The following PALM2AKAP2 variants were observed in gnomAD, a reference collection of about 807,000 sequenced individuals.
The protein encoded by PALM2AKAP2 is PALM2-AKAP2 fusion protein.
A neutral mutation model predicts 71.5 loss-of-function variants in PALM2AKAP2; 37 were observed. The ratio of observed to expected loss-of-function variants is 0.52; its 90% confidence interval spans 0.40 to 0.68. The LOEUF is 0.68. Among genes scored for constraint, PALM2AKAP2 ranks in the 30% least tolerant of loss-of-function variants. The pLI is 0.00. For synonymous variants in PALM2AKAP2, 468 were observed against 478.8 expected, an observed-to-expected ratio of 0.98 and a Z score of 0.29; for missense variants, 1,224 against 1,191.8, an observed-to-expected ratio of 1.03 and a Z score of -0.40.
Position 109,824,939 on chromosome 9 carries a change from A to G in PALM2AKAP2, c.46-42552A>G, listed in dbSNP as rs188402370. On this transcript the variant is annotated intron_variant, in intron 1 of 9. Coordinates refer to the PALM2AKAP2 transcript ENST00000302798. ...TTTTGATATTCCTCTAAGAGTTACC[A>G]GCCTGTGGAGGAGTTGTGCTCCAAG... 2.0e-5 allele frequency among the ~76,000 whole-genome samples: 3 copies of G among 152,364 alleles called. No individual in the cohort carries two copies. The East Asian group carries it at 5.8e-4, about 29-fold the overall frequency.
chr9:109,673,501 G>A (rs1827605558), intron 1 of PALM2AKAP2, among the ~76,000 whole-genome samples: 1 of 152,094 alleles, frequency 6.6e-6, no homozygotes, highest in Middle Eastern at 3.2e-3. Flanking sequence ...CATTTGCTGA[G>A]GAGTGTTTTA....
intron 3 of PALM2AKAP2, among the ~76,000 whole-genome samples, chr9:109,892,346 T>C (rs766320500): frequency 3.3e-5 from 5 of 152,188 alleles, no homozygotes; most frequent in Non-Finnish European, 5.9e-5. Context: ...ACCCCTATCA[T>C]TGGATTTAGG....
intron 1 of PALM2AKAP2, among the ~76,000 whole-genome samples, chr9:110,091,752 G>A (rs768704931): frequency 1.4e-4 from 21 of 152,174 alleles, no homozygotes; most frequent in South Asian, 6.2e-4. Context: ...GTGAGCCACC[G>A]CGCCCAGCCA....
intron 1 of PALM2AKAP2, among the ~76,000 whole-genome samples, chr9:109,717,351 G>A (rs947461004): frequency 6.6e-6 from 1 of 152,174 alleles, no homozygotes; most frequent in African/African-American, 2.4e-5. Context: ...CAGAGTTTAG[G>A]AGGTGGGAGG....
chr9:109,951,100 T>G (rs1280759421), intron 6 of PALM2AKAP2, among the ~76,000 whole-genome samples: 1 of 152,164 alleles, frequency 6.6e-6, no homozygotes, highest in Admixed American at 6.5e-5. Context: ...CTTAGGAGAG[T>G]CAAAATCATA....
At chr9:109,729,952 T>C (rs1828529803) in intron 1 of PALM2AKAP2, among the ~76,000 whole-genome samples, 1 of 152,246 alleles carries the variant, frequency 6.6e-6, no homozygotes. Context: ...TGCTCATTGC[T>C]GAGTTCCTAG....
rs139470208 is a variant in PALM2AKAP2 at position 110,092,257 on chromosome 9, G to A, written c.156+43402G>A. ...TGAGGCAGGAGAATTACATGAACCC[G>A]GGAGGTGGAGGCTGTAGTGAGCTGA... is the stretch of plus-strand genomic sequence containing the variant. On this transcript the variant is annotated intron_variant, in intron 1 of 3. Transcript: ENST00000374525. 4.1e-3 allele frequency among the ~76,000 whole-genome samples: 624 copies of A among 152,212 alleles called. 5 individuals are homozygous for A. The highest frequency in any genetic ancestry group is 0.034 in the Middle Eastern group (10 of 294).
intron 1 of PALM2AKAP2, among the ~76,000 whole-genome samples, chr9:109,742,905 T>C (rs1014230248): frequency 6.6e-6 from 1 of 152,150 alleles, no homozygotes; most frequent in Admixed American, 6.5e-5. Flanking sequence ...ACAAAAAGCA[T>C]GCTTGTCAGA....
chr9:109,735,771 T>C (rs1000810429), intron 1 of PALM2AKAP2, among the ~76,000 whole-genome samples: 3 of 152,182 alleles, frequency 2.0e-5, no homozygotes, highest in African/African-American at 7.2e-5. Flanking sequence ...GCATTAATGG[T>C]AGGTCTGCCT....
intron 1 of PALM2AKAP2, among the ~76,000 whole-genome samples, chr9:109,850,582 A>C (rs1267995102): frequency 2.0e-5 from 3 of 152,206 alleles, no homozygotes; most frequent in Non-Finnish European, 4.4e-5. Context: ...ACAAGGGAGC[A>C]GCATTGACCC....
intron 1 of PALM2AKAP2, among the ~76,000 whole-genome samples, chr9:109,739,008 T>C (rs1828679970): frequency 6.6e-6 from 1 of 152,246 alleles, no homozygotes; most frequent in South Asian, 2.1e-4. Flanking sequence ...AATAATGCTG[T>C]CTCATATTTG....
At chr9:110,108,594 A>G (rs926279428) in intron 1 of PALM2AKAP2, among the ~76,000 whole-genome samples, 2 of 152,156 alleles carry the variant, frequency 1.3e-5, no homozygotes, top group Non-Finnish European at 2.9e-5. Context: ...ATTTACCTAG[A>G]TTCTGTTTCC....
At chr9:110,070,799 C>T (rs1334442149) in intron 1 of PALM2AKAP2, among the ~76,000 whole-genome samples, 2 of 152,186 alleles carry the variant, frequency 1.3e-5, no homozygotes, top group Non-Finnish European at 2.9e-5. Flanking sequence ...TGGCGTGCTA[C>T]TCTTCCTCTT....
At chr9:109,857,422 G>A (rs73655596) in intron 1 of PALM2AKAP2, among the ~76,000 whole-genome samples, 2,269 of 152,328 alleles carry the variant, frequency 0.015, 59 homozygotes, top group African/African-American at 0.052. Flanking sequence ...TTCCAACACA[G>A]CCTTGACCTA....
chr9:110,089,332 C>T (rs1177076851), intron 1 of PALM2AKAP2, among the ~76,000 whole-genome samples: 2 of 152,116 alleles, frequency 1.3e-5, no homozygotes, highest in Non-Finnish European at 2.9e-5. Context: ...AAAATGATCT[C>T]TAGAGATAAT....
intron 1 of PALM2AKAP2, among the ~76,000 whole-genome samples, chr9:109,846,443 C>T (rs1233108970): frequency 6.6e-6 from 1 of 152,148 alleles, no homozygotes; most frequent in Non-Finnish European, 1.5e-5. Flanking sequence ...CTTGCTTGAG[C>T]CCCCACACTT....
chr9:109,907,065 T>G (rs1207344087), intron 3 of PALM2AKAP2, among the ~76,000 whole-genome samples: 1 of 152,180 alleles, frequency 6.6e-6, no homozygotes, highest in Non-Finnish European at 1.5e-5. Context: ...TCTGAACACC[T>G]CTATGCCTTG....
At chr9:109,995,765 G>A (rs780425891) in intron 6 of PALM2AKAP2, among the ~76,000 whole-genome samples, 3 of 152,164 alleles carry the variant, frequency 2.0e-5, no homozygotes, top group Non-Finnish European at 2.9e-5. Flanking sequence ...TTTGGGTGGG[G>A]ACACTGCCAA....
At chr9:110,083,108 T>C in intron 1 of PALM2AKAP2, among the ~76,000 whole-genome samples, 2 of 152,150 alleles carry the variant, frequency 1.3e-5, no homozygotes. Flanking sequence ...GCCATTGCAC[T>C]CCAGCCTGGG....
Sources: gnomAD v4.1 joint callset for allele counts (sites outside exome capture counted in the v4.1 genomes callset) on GRCh38, gnomAD v4.1.1 for gene constraint, MANE v1.5 for transcripts, NCBI Gene and HGNC (gene_info 2026-07-23, HGNC 2026-07-21) for gene names.